The following EXOC6B variants were observed in gnomAD, a reference collection of about 807,000 sequenced individuals.
EXOC6B encodes exocyst complex component 6B.
EXOC6B carries 54 observed loss-of-function variants against 113.5 expected under a neutral mutation model. The observed-to-expected ratio is 0.48, with a 90% CI of 0.38 to 0.60. EXOC6B has a LOEUF of 0.60. EXOC6B is among the 20% of genes least tolerant of loss of function. EXOC6B has a pLI of 0.00. For synonymous variants in EXOC6B, 357 were observed against 339.0 expected (o/e 1.05, Z -0.58); for missense variants, 797 against 977.5 (o/e 0.82, Z 2.46).
intron 1 of EXOC6B, among the ~76,000 whole-genome samples, chr2:72,762,550 A>T (rs1257141486): frequency 6.6e-6 from 1 of 152,056 alleles, no homozygotes; most frequent in Non-Finnish European, 1.5e-5. Flanking sequence ...AAGGAAAAAA[A>T]AAAATTGTAA....
chr2:72,730,579 G>GACACACACACACACAC (rs3034987), intron 5 of EXOC6B, among the ~76,000 whole-genome samples: 10 of 144,456 alleles, frequency 6.9e-5, no homozygotes, highest in African/African-American at 1.3e-4. Flanking sequence ...AACAGACAGA[G>GACACACACACACACAC]ACACACACAC....
At chr2:72,730,579 G>GACACACACACACACACAC (rs3034987) in intron 5 of EXOC6B, among the ~76,000 whole-genome samples, 1 of 144,456 alleles carries the variant, frequency 6.9e-6, no homozygotes, top group Non-Finnish European at 1.5e-5. Flanking sequence ...AACAGACAGA[G>GACACACACACACACACAC]ACACACACAC....
intron 6 of EXOC6B, among the ~76,000 whole-genome samples, chr2:72,601,102 A>G (rs1670394577): frequency 6.8e-6 from 1 of 147,580 alleles, no homozygotes; most frequent in East Asian, 2.4e-4. Flanking sequence ...GTATGGCTAC[A>G]TATATATATA....
At chr2:72,754,468 G>A (rs1433109053) in intron 1 of EXOC6B, among the ~76,000 whole-genome samples, 1 of 151,824 alleles carries the variant, frequency 6.6e-6, no homozygotes, top group African/African-American at 2.4e-5. Context: ...CTAGCCTCGA[G>A]CAATCCTACC....
At chr2:72,354,376 G>C (rs1553383010) in intron 19 of EXOC6B, 1 of 152,196 alleles carries the variant, frequency 6.6e-6, no homozygotes, top group Non-Finnish European at 1.5e-5. Flanking sequence ...ACAGTACTTT[G>C]TTTGTGTTGG....
rs185508782 is a variant in EXOC6B at position 72,711,411 on chromosome 2, C to T, written c.669+6692G>A. Among the ~76,000 whole-genome samples, 1,068 of 152,160 alleles carry T rather than the reference C, an allele frequency of 7.0e-3. 14 individuals are homozygous for T. Among genetic ancestry groups the T allele is most frequent in the African/African-American group, 0.025 (1,018 of 41,518 alleles). On this transcript the variant is annotated intron_variant, in intron 6 of 21. Coordinates refer to ENST00000272427, the MANE Select transcript of EXOC6B (RefSeq NM_015189.3). ...TTAAAAACAAAATGACAACAACAAACGCAATGTAAGAACCTAAAAGATTTG... is the reference window on the plus strand; with the variant it reads ...TTAAAAACAAAATGACAACAACAAATGCAATGTAAGAACCTAAAAGATTTG...
At chr2:72,762,109 T>C (rs1263145717) in intron 1 of EXOC6B, among the ~76,000 whole-genome samples, 1 of 151,200 alleles carries the variant, frequency 6.6e-6, no homozygotes, top group African/African-American at 2.4e-5. Flanking sequence ...CTGGGCGTGG[T>C]GGCATGTGCC....
intron 19 of EXOC6B, among the ~76,000 whole-genome samples, chr2:72,367,979 A>T (rs1214029113): frequency 6.6e-6 from 1 of 152,160 alleles, no homozygotes; most frequent in Non-Finnish European, 1.5e-5. Flanking sequence ...AACACAAGGA[A>T]TGGAACTCTT....
intron 1 of EXOC6B, among the ~76,000 whole-genome samples, chr2:72,771,036 A>G (rs1683378604): frequency 6.6e-6 from 1 of 152,164 alleles, no homozygotes; most frequent in South Asian, 2.1e-4. Flanking sequence ...TGGAAGAAAC[A>G]ATTGCTGATG....
At chr2:72,398,986 T>C (rs1462048003) in intron 18 of EXOC6B, among the ~76,000 whole-genome samples, 1 of 142,116 alleles carries the variant, frequency 7.0e-6, no homozygotes, top group Non-Finnish European at 1.5e-5. Flanking sequence ...ATCACCCTGA[T>C]ACCAAAGCCA....
chr2:72,513,899 A>C (rs114291889), intron 10 of EXOC6B, among the ~76,000 whole-genome samples: 2,506 of 152,176 alleles, frequency 0.016, 67 homozygotes, highest in African/African-American at 0.057. Context: ...TTTATGATAT[A>C]TTTTAATAAC....
intron 20 of EXOC6B, among the ~76,000 whole-genome samples, chr2:72,295,229 CAAA>C (rs547104239): frequency 1.4e-3 from 109 of 78,912 alleles, no homozygotes; most frequent in African/African-American, 3.0e-3. Flanking sequence ...GACTCCATCT[CAAA>C]AAAAAAAAAA....
chr2:72,821,022 A>G (rs1171298876), intron 1 of EXOC6B, among the ~76,000 whole-genome samples: 1 of 152,156 alleles, frequency 6.6e-6, no homozygotes, highest in Non-Finnish European at 1.5e-5. Flanking sequence ...TTTGTGCAGC[A>G]AAAGCTAAGA....
chr2:72,719,506 C>T (rs936655375), intron 5 of EXOC6B, among the ~76,000 whole-genome samples: 1 of 152,308 alleles, frequency 6.6e-6, no homozygotes, highest in South Asian at 2.1e-4. Flanking sequence ...CCACTCATCC[C>T]TGGCTGACTA....
At chr2:72,637,662 C>G (rs549413061) in intron 6 of EXOC6B, among the ~76,000 whole-genome samples, 1 of 151,944 alleles carries the variant, frequency 6.6e-6, no homozygotes, top group African/African-American at 2.4e-5. Flanking sequence ...TGGTGGCACT[C>G]GCCTTTAGTC....
chr2:72,487,791 C>G (rs755961044), intron 16 of EXOC6B, among the ~76,000 whole-genome samples: 2 of 152,136 alleles, frequency 1.3e-5, no homozygotes, highest in African/African-American at 2.4e-5. Context: ...GGCAAAGTGC[C>G]CTCTCATCAA....
chr2:72,416,813 A>G (rs1047151996), intron 18 of EXOC6B, among the ~76,000 whole-genome samples: 7 of 152,092 alleles, frequency 4.6e-5, no homozygotes, highest in Non-Finnish European at 8.8e-5. Context: ...GCTGCTTCCT[A>G]GTCACAGAAG....
chr2:72,529,062 G>T (rs2105747043), intron 8 of EXOC6B, among the ~76,000 whole-genome samples: 1 of 152,112 alleles, frequency 6.6e-6, no homozygotes, highest in Non-Finnish European at 1.5e-5. Flanking sequence ...TAATGCACTG[G>T]ATAAAACTTC....
At chr2:72,777,521 A>G (rs1280571923) in intron 1 of EXOC6B, among the ~76,000 whole-genome samples, 2 of 152,144 alleles carry the variant, frequency 1.3e-5, no homozygotes, top group Non-Finnish European at 2.9e-5. Flanking sequence ...AGATAAACAA[A>G]AACTGAGAGA....
Sources: allele counts gnomAD v4.1 joint callset (sites outside exome capture counted in the v4.1 genomes callset), GRCh38; gene constraint gnomAD v4.1.1; transcripts MANE v1.5; gene names NCBI Gene and HGNC (gene_info 2026-07-23, HGNC 2026-07-21).